Variants in MCC observed in about 807,000 individuals in gnomAD.
MCC encodes colorectal mutant cancer protein.
A neutral mutation model predicts 116.2 loss-of-function variants in MCC; 90 were observed. That is an observed-to-expected ratio of 0.77 (90% CI 0.65 to 0.92). The LOEUF is 0.92. Ranked by LOEUF, MCC falls within the 40% of genes least tolerant of loss-of-function variation. The pLI is 0.00. For missense variants in MCC, 1,516 were observed against 1,312.2 expected (o/e 1.16, Z -2.40); for synonymous variants, 578 against 510.5 (o/e 1.13, Z -1.78).
intron 1 of MCC, among the ~76,000 whole-genome samples, chr5:113,471,345 G>C (rs894263337): frequency 2.0e-5 from 3 of 152,134 alleles, no homozygotes; most frequent in African/African-American, 7.2e-5. Flanking sequence ...ACGTACAGAT[G>C]GGTTTTTGGT....
At chr5:113,329,363 T>C (rs566814901) in intron 3 of MCC, among the ~76,000 whole-genome samples, 1 of 145,950 alleles carries the variant, frequency 6.9e-6, no homozygotes, top group African/African-American at 2.6e-5. Flanking sequence ...AGAGTAAAGA[T>C]GGTGAATAAA....
intron 3 of MCC, among the ~76,000 whole-genome samples, chr5:113,321,625 G>C (rs1394307390): frequency 1.3e-5 from 2 of 152,206 alleles, no homozygotes; most frequent in African/African-American, 2.4e-5. Flanking sequence ...AGAAGATGCT[G>C]TCTTTTATTC....
chr5:113,477,935 T>C (rs1412620918), intron 1 of MCC, among the ~76,000 whole-genome samples: 2 of 152,088 alleles, frequency 1.3e-5, no homozygotes, highest in Non-Finnish European at 2.9e-5. Context: ...TCCATAACCA[T>C]GAGAAAAATC....
chr5:113,141,327 GC>G (rs1189487509), intron 5 of MCC, among the ~76,000 whole-genome samples: 1 of 152,206 alleles, frequency 6.6e-6, no homozygotes, highest in Admixed American at 6.5e-5. Flanking sequence ...ACTGAGTCAT[GC>G]TGCCAGCATC....
intron 3 of MCC, among the ~76,000 whole-genome samples, chr5:113,327,879 TGA>T (rs750274360): frequency 8.6e-5 from 13 of 151,836 alleles, no homozygotes; most frequent in Non-Finnish European, 5.9e-5. Context: ...GTGGAAAATA[TGA>T]GGAATATTTA....
chr5:113,357,340 A>T (rs1768438824), intron 2 of MCC, among the ~76,000 whole-genome samples: 1 of 152,196 alleles, frequency 6.6e-6, no homozygotes, highest in African/African-American at 2.4e-5. Flanking sequence ...AAAGGTAACA[A>T]TTATGATTAC....
intron 1 of MCC, among the ~76,000 whole-genome samples, chr5:113,457,457 C>T (rs1317201124): frequency 6.6e-6 from 1 of 152,234 alleles, no homozygotes; most frequent in Non-Finnish European, 1.5e-5. Flanking sequence ...GCAGCCCGAG[C>T]CTCCCTGATG....
Position 113,023,292 on chromosome 5 carries a change from T to C in MCC, c.*4010A>G, listed in dbSNP as rs893264027. On this transcript the variant is annotated 3_prime_UTR_variant, in exon 19 of 19. Coordinates refer to ENST00000408903, the MANE Select transcript of MCC (RefSeq NM_001085377.2). ...GATAGTGAAGGCGTAACTTTTGTTT[T>C]GTAACCAGTTACGCCTCTTCTGTAA... 2 of 152,262 alleles carry C rather than the reference T, an allele frequency of 1.3e-5. No individual in the cohort carries two copies. Among genetic ancestry groups the C allele is most frequent in the African/African-American group, 4.8e-5 (2 of 41,478 alleles). The allele number at this position is 152,262 out of a possible 1,614,324, so 9.4% of individuals were successfully genotyped here.
chr5:113,238,496 T>A (rs942636872), intron 3 of MCC, among the ~76,000 whole-genome samples: 1 of 152,186 alleles, frequency 6.6e-6, no homozygotes. Context: ...ATAAAGCTTT[T>A]AAAACAAACT....
In MCC at chr5:113,400,113, C is replaced by CTTTTTTTTTTTTTTTTT. The variant is rs747991299; in HGVS notation, c.171-14918_171-14902dup. On this transcript the variant is annotated intron_variant, in intron 1 of 18. Transcript: ENST00000408903. ...ATTGTTTTGGCCCTCTCCTTTTTTACTTTTTTTTTTTTTTTTTTTTTTTTT... is the reference window on the plus strand; with the variant it reads ...ATTGTTTTGGCCCTCTCCTTTTTTACTTTTTTTTTTTTTTTTTTTTTTTTTTTTTTTTTTTTTTTTTT... 1.3e-4 allele frequency: 9 copies of CTTTTTTTTTTTTTTTTT among 71,404 alleles called. 1 individual carries two copies. Among genetic ancestry groups the CTTTTTTTTTTTTTTTTT allele is most frequent in the Non-Finnish European group, 1.7e-4 (7 of 41,728 alleles). 4.4% of individuals were successfully genotyped at this position (71,404 alleles called of 1,614,324 possible).
At chr5:113,158,676 G>A (rs1413955950) in intron 3 of MCC, among the ~76,000 whole-genome samples, 2 of 152,162 alleles carry the variant, frequency 1.3e-5, no homozygotes, top group South Asian at 2.1e-4. Context: ...TCTGGCAAAC[G>A]AGGAAACCAA....
chr5:113,134,555 CTTTTTTTTTTTTT>C, intron 5 of MCC, among the ~76,000 whole-genome samples: 1 of 30,126 alleles, frequency 3.3e-5, no homozygotes, highest in South Asian at 1.8e-3. Context: ...GCTATTTGGG[CTTTTTTTTTTTTT>C]TTTTTTTTTT....
At chr5:113,339,992 TGCCCAAA>T (rs1190962463) in intron 3 of MCC, among the ~76,000 whole-genome samples, 1 of 152,246 alleles carries the variant, frequency 6.6e-6, no homozygotes, top group Non-Finnish European at 1.5e-5. Flanking sequence ...AATAGCTCTT[TGCCCAAA>T]GGTCGCTTTG....
intron 5 of MCC, among the ~76,000 whole-genome samples, chr5:113,132,358 A>ATGTG (rs1187010570): frequency 7.3e-6 from 1 of 136,706 alleles, no homozygotes; most frequent in Non-Finnish European, 1.5e-5. Context: ...AAAAGTGCAT[A>ATGTG]TGTGTGTGTG....
At chr5:113,111,366 A>G (rs1438655778) in intron 6 of MCC, among the ~76,000 whole-genome samples, 4 of 152,138 alleles carry the variant, frequency 2.6e-5, no homozygotes, top group Non-Finnish European at 5.9e-5. Context: ...TGGTGTATCT[A>G]AACAGTCCCA....
chr5:113,258,738 C>A (rs905260709), intron 3 of MCC, among the ~76,000 whole-genome samples: 1 of 152,148 alleles, frequency 6.6e-6, no homozygotes, highest in Non-Finnish European at 1.5e-5. Context: ...GTGGCAGTAA[C>A]CATCATTATG....
At chr5:113,044,462 T>G (rs6897972) in intron 16 of MCC, 1 of 982,016 alleles carries the variant, frequency 1.0e-6, no homozygotes, top group African/African-American at 1.7e-5. Flanking sequence ...GTACCATGGC[T>G]GGGGGAAGGC....
At chr5:113,466,266 C>T (rs1274894797) in intron 1 of MCC, among the ~76,000 whole-genome samples, 3 of 151,540 alleles carry the variant, frequency 2.0e-5, no homozygotes, top group African/African-American at 2.4e-5. Context: ...ATGTGCCATG[C>T]TGGTGTGCTG....
intron 3 of MCC, among the ~76,000 whole-genome samples, chr5:113,158,389 T>C (rs1478291271): frequency 2.6e-5 from 4 of 152,260 alleles, no homozygotes; most frequent in Non-Finnish European, 5.9e-5. Context: ...CTTAATTTCA[T>C]TGAATACATA....
Sources: gnomAD v4.1 joint callset for allele counts (sites outside exome capture counted in the v4.1 genomes callset) on GRCh38, gnomAD v4.1.1 for gene constraint, MANE v1.5 for transcripts, NCBI Gene and HGNC (gene_info 2026-07-23, HGNC 2026-07-21) for gene names.